The following ZNF717 variants were observed in gnomAD, a reference collection of about 807,000 sequenced individuals.
ZNF717 encodes the protein zinc finger protein 717.
In ZNF717, 9 loss-of-function variants were observed where a neutral mutation model predicts 13.8. That is an observed-to-expected ratio of 0.65 (90% confidence interval 0.39 to 1.14). The LOEUF (loss-of-function observed/expected upper bound fraction) is 1.14. Ranked by LOEUF, ZNF717 falls within the 50% of genes most tolerant of loss-of-function variation. The probability of loss-of-function intolerance (pLI) is 0.01; values close to 1 mark genes in which losing one functional copy is unlikely to be tolerated. For synonymous variants in ZNF717, 327 were observed against 364.1 expected (o/e 0.90, Z 1.16); for missense variants, 1,040 against 1,080.7 (o/e 0.96, Z 0.53).
At chr3:75,776,438 C>G (rs962618585) in intron 2 of ZNF717, among the ~76,000 whole-genome samples, 2 of 152,236 alleles carry the variant, frequency 1.3e-5, no homozygotes, top group African/African-American at 4.8e-5. Flanking sequence ...TATAAAAGCT[C>G]TTCCATGCAA....
chr3:75,729,313 C>T (rs1938377098), downstream of ZNF717, among the ~76,000 whole-genome samples: 1 of 152,198 alleles, frequency 6.6e-6, no homozygotes, highest in Non-Finnish European at 1.5e-5. Context: ...CTGTCCTATG[C>T]ACTGTAAAGA....
intron 2 of ZNF717, among the ~76,000 whole-genome samples, chr3:75,758,715 C>T (rs1449326574): frequency 6.9e-6 from 1 of 145,568 alleles, no homozygotes; most frequent in Non-Finnish European, 1.5e-5. Context: ...CCTCCATCAG[C>T]AAGAAGACTG....
At chr3:75,731,392 AAAT>A (rs1307574679), downstream of ZNF717, among the ~76,000 whole-genome samples, 7 of 152,058 alleles carry the variant, frequency 4.6e-5, no homozygotes, top group Admixed American at 2.0e-4. Context: ...TTAAAAAATA[AAAT>A]AATAATAATA....
At chr3:75,740,294 C>T (rs1163135869) in intron 4 of ZNF717, among the ~76,000 whole-genome samples, 2 of 152,240 alleles carry the variant, frequency 1.3e-5, no homozygotes, top group Admixed American at 6.5e-5. Flanking sequence ...CTGAGCCCTT[C>T]AACAGGAAAT....
At chr3:75,716,244 A>G (rs1463662045) in intron 5 of ZNF717, among the ~76,000 whole-genome samples, 29 of 151,026 alleles carry the variant, frequency 1.9e-4, no homozygotes, top group Non-Finnish European at 3.7e-4. Context: ...CTCCCAAGAT[A>G]AGATTGTTCA....
At chr3:75,740,878 C>T (rs1473982333) in intron 4 of ZNF717, among the ~76,000 whole-genome samples, 1 of 151,778 alleles carries the variant, frequency 6.6e-6, no homozygotes, top group Non-Finnish European at 1.5e-5. Context: ...AAAAGAAACA[C>T]CATTTTCATC....
chr3:75,765,868 G>A (rs186883910), intron 2 of ZNF717, among the ~76,000 whole-genome samples: 272 of 152,308 alleles, frequency 1.8e-3, no homozygotes, highest in African/African-American at 5.9e-3. Context: ...CAACACTTTG[G>A]GAGGCCAAGG....
intron 2 of ZNF717, among the ~76,000 whole-genome samples, chr3:75,774,198 A>AT (rs995562048): frequency 1.3e-5 from 2 of 151,872 alleles, no homozygotes; most frequent in Non-Finnish European, 2.9e-5. Context: ...CCAAAAAAAA[A>AT]AAAAAGGAAA....
chr3:75,739,200 A>G lies in ZNF717; in HGVS notation c.423T>C (p.Val141=). 6.4e-7 allele frequency: 1 copy of G among 1,551,148 alleles called. No homozygotes were observed. The highest frequency in any genetic ancestry group is 8.7e-7 in the Non-Finnish European group (1 of 1,146,696). Residue 141 remains valine (V), a synonymous_variant, in exon 5 of 5, where the codon GTT becomes GTC. Transcript: ENST00000652011. The stretch of plus-strand genomic sequence containing the variant: ...TTCCATTATTTATAATCAGATTTAA[A>G]ACATGGTTTGAGTTCAAATTAAATG... ...GKTFNLNSNH[V]LNLIINNGNS...
At chr3:75,741,183 C>G (rs1575782028) in intron 4 of ZNF717, 93 bp downstream of exon 4, 1 of 768,550 alleles carries the variant, frequency 1.3e-6, no homozygotes, top group Non-Finnish European at 2.2e-6. Context: ...GGTCGAAGAC[C>G]TAGGGAAAAA....
chr3:75,778,912 T>A (rs1321267355), intron 2 of ZNF717, among the ~76,000 whole-genome samples: 2 of 146,696 alleles, frequency 1.4e-5, no homozygotes, highest in Non-Finnish European at 3.0e-5. Context: ...AGTGCTGTGC[T>A]AAAACCGGAA....
intron 2 of ZNF717, among the ~76,000 whole-genome samples, chr3:75,764,820 A>AAT (rs1553680382): frequency 1.1e-4 from 16 of 150,424 alleles, no homozygotes; most frequent in Admixed American, 2.6e-4. Flanking sequence ...TCCTCAAAAA[A>AAT]AAAATAAAAT....
At chr3:75,784,929 A>G (rs1343024942) in intron 1 of ZNF717, 1 of 152,136 alleles carries the variant, frequency 6.6e-6, no homozygotes, top group African/African-American at 2.4e-5. Flanking sequence ...AAGGCTGAAG[A>G]CCATCATCCA....
chr3:75,732,275 C>T (rs1416553602), downstream of ZNF717, among the ~76,000 whole-genome samples: 2 of 152,260 alleles, frequency 1.3e-5, no homozygotes, highest in African/African-American at 4.8e-5. Context: ...ATTCCCAACT[C>T]CAGCCTACTC....
chr3:75,750,329 C>A (rs74517385), intron 2 of ZNF717, among the ~76,000 whole-genome samples: 1 of 147,216 alleles, frequency 6.8e-6, no homozygotes, highest in Non-Finnish European at 1.5e-5. Context: ...CATAGGATTA[C>A]AGAACACTGC....
intron 5 of ZNF717, among the ~76,000 whole-genome samples, chr3:75,713,512 G>A (rs77654744): frequency 1.3e-5 from 2 of 152,048 alleles, no homozygotes; most frequent in Non-Finnish European, 2.9e-5. Flanking sequence ...TTAGGAAGCA[G>A]GAAATCTGTC....
chr3:75,746,849 C>G (rs1418673618), intron 2 of ZNF717, among the ~76,000 whole-genome samples: 1 of 152,154 alleles, frequency 6.6e-6, no homozygotes, highest in Non-Finnish European at 1.5e-5. Flanking sequence ...TTTTGCTGAG[C>G]AAAAGCTCGT....
intron 2 of ZNF717, among the ~76,000 whole-genome samples, chr3:75,782,863 C>T (rs962413410): frequency 6.6e-6 from 1 of 152,084 alleles, no homozygotes; most frequent in Non-Finnish European, 1.5e-5. Flanking sequence ...GTTTCCACTG[C>T]ACAACATGCC....
chr3:75,761,923 A>T (rs1943052581), intron 2 of ZNF717, among the ~76,000 whole-genome samples: 1 of 152,184 alleles, frequency 6.6e-6, no homozygotes, highest in South Asian at 2.1e-4. Context: ...GCATAGTGGC[A>T]GACACCTGTA....
Sources: allele counts gnomAD v4.1 joint callset (sites outside exome capture counted in the v4.1 genomes callset), GRCh38; gene constraint gnomAD v4.1.1; transcripts MANE v1.5; gene names NCBI Gene and HGNC (gene_info 2026-07-23, HGNC 2026-07-21).